Variants in GPALPP1 observed in about 807,000 individuals in gnomAD.
GPALPP1 encodes GPALPP motifs containing 1.
Under a neutral mutation model 38.9 loss-of-function variants are expected in GPALPP1, and 30 were observed. The ratio of observed to expected loss-of-function variants is 0.77; its 90% CI spans 0.58 to 1.05. GPALPP1 has a LOEUF of 1.05. Among genes scored for constraint, GPALPP1 ranks in the 50% least tolerant of loss-of-function variants. The probability of loss-of-function intolerance (pLI) is 0.00; values close to 1 mark genes in which losing one functional copy is unlikely to be tolerated. For synonymous variants in GPALPP1, 120 were observed against 139.2 expected, an observed-to-expected ratio of 0.86 and a Z score of 0.97; for missense variants, 384 against 408.8, an observed-to-expected ratio of 0.94 and a Z score of 0.52.
intron 2 of GPALPP1, chr13:45,005,086 C>CTTTTTTTTTTTTTTTTTTTTTTTTTTTT (rs71759613): frequency 3.5e-5 from 2 of 57,482 alleles, no homozygotes; most frequent in Admixed American, 3.0e-4. Context: ...TAATGGTTTT[C>CTTTTTTTTTTTTTTTTTTTTTTTTTTTT]TTTTTTTTTT....
rs766454946 is a variant in GPALPP1 at position 45,020,378 on chromosome 13, A to G, written c.754A>G (p.Ile252Val). 7.7e-6 allele frequency: 12 copies of G among 1,551,630 alleles called. No homozygotes were observed. The highest frequency in any genetic ancestry group is 8.0e-6 in the Non-Finnish European group (9 of 1,123,992). The change falls in exon 7 of 8, where the codon ATA (isoleucine) becomes GTA (valine). Residue 252 changes from isoleucine (I) to valine (V), a missense_variant. Ile to Val is a conservative substitution (Grantham distance 29). Transcript: ENST00000379151. ...KSSSKKDEEH[I>V]LSGRDKRLAE... is the part of the protein sequence containing the mutation. The stretch of plus-strand genomic sequence containing the variant: ...ATCCAGTAAGAAAGATGAAGAACAT[A>G]TATTATCAGGAAGAGATAAGAGACT...
chr13:45,015,254 G>T (rs1048608531), intron 5 of GPALPP1, among the ~76,000 whole-genome samples, 171 bp downstream of exon 5: 2 of 152,154 alleles, frequency 1.3e-5, no homozygotes, highest in African/African-American at 4.8e-5. Flanking sequence ...CAAATTGGAT[G>T]AACGTCTTTG....
intron 7 of GPALPP1, among the ~76,000 whole-genome samples, chr13:45,027,312 G>A (rs934836164): frequency 6.6e-6 from 1 of 152,056 alleles, no homozygotes; most frequent in African/African-American, 2.4e-5. Context: ...AAAAAATTGA[G>A]GGAATTAAGG....
At chr13:45,035,758 T>C (rs1876385031) in exon 8 of GPALPP1, 1 of 152,236 alleles carries the variant, frequency 6.6e-6, no homozygotes, top group Non-Finnish European at 1.5e-5. Context: ...TTCATTTAAA[T>C]GCAGATCTCC....
Position 44,996,797 on chromosome 13 carries a change from TTTTTTTTTTTTTC to T in GPALPP1, c.88+7056_88+7068del, listed in dbSNP as rs1332101430. On this transcript the variant is annotated intron_variant, in intron 1 of 7. Coordinates refer to ENST00000379151, the MANE Select transcript of GPALPP1 (RefSeq NM_018559.5). ...TGTGCCCAGCCTCTTTTTTTTTTTT[TTTTTTTTTTTTTC>T]CAGTTTTTAAAAATTGTGATAAAAT... Among the ~76,000 whole-genome samples, 410 of 147,086 alleles carry T rather than the reference TTTTTTTTTTTTTC, an allele frequency of 2.8e-3. 4 individuals carry two copies. The South Asian group carries it at 0.031, about 11-fold the overall frequency.
At chr13:45,011,946 G>A (rs1874511833) in intron 4 of GPALPP1, among the ~76,000 whole-genome samples, 1 of 152,160 alleles carries the variant, frequency 6.6e-6, no homozygotes. Context: ...AGGAGTGCTA[G>A]GGGAAGAAAT....
chr13:45,019,800 G>A (rs1360186236), intron 6 of GPALPP1, among the ~76,000 whole-genome samples: 1 of 148,732 alleles, frequency 6.7e-6, no homozygotes, highest in Non-Finnish European at 1.5e-5. Flanking sequence ...TGAGTGGAGT[G>A]GGTTTTTTTT....
chr13:45,014,110 T>C (rs1261899663), intron 4 of GPALPP1, among the ~76,000 whole-genome samples: 4 of 152,200 alleles, frequency 2.6e-5, no homozygotes, highest in Non-Finnish European at 5.9e-5. Context: ...CCATCTCTTA[T>C]TAAGATGGAA....
chr13:45,016,019 A>T (rs1046695955), intron 6 of GPALPP1, among the ~76,000 whole-genome samples: 51 of 152,168 alleles, frequency 3.4e-4, no homozygotes, highest in Non-Finnish European at 5.3e-4. Context: ...TTTAGAAAAA[A>T]AAAACAAAGC....
At chr13:45,011,294 C>G (rs1874458912) in intron 4 of GPALPP1, among the ~76,000 whole-genome samples, 1 of 152,152 alleles carries the variant, frequency 6.6e-6, no homozygotes, top group Admixed American at 6.5e-5. Context: ...CAGTAACATG[C>G]AGGTCATTAC....
At chr13:44,994,271 G>A (rs1373269587) in intron 1 of GPALPP1, among the ~76,000 whole-genome samples, 1 of 148,978 alleles carries the variant, frequency 6.7e-6, no homozygotes, top group Non-Finnish European at 1.5e-5. Flanking sequence ...TGAATTTAGA[G>A]TCTAATTTCT....
chr13:45,020,541 G>A, intron 7 of GPALPP1, 113 bp downstream of exon 7: 1 of 627,462 alleles, frequency 1.6e-6, no homozygotes, highest in Admixed American at 3.0e-5. Context: ...TTCAAGGCCA[G>A]CTTGGGCAAC....
chr13:44,995,723 C>T (rs1593382116), intron 1 of GPALPP1, among the ~76,000 whole-genome samples: 2 of 152,288 alleles, frequency 1.3e-5, no homozygotes, highest in South Asian at 4.1e-4. Context: ...GCACCTTAAA[C>T]TTGAACATGC....
intron 1 of GPALPP1, among the ~76,000 whole-genome samples, chr13:44,994,960 TCTC>T (rs761327329): frequency 9.9e-5 from 15 of 152,032 alleles, no homozygotes; most frequent in Admixed American, 2.6e-4. Context: ...TTCAAGCTAT[TCTC>T]CTGCCTCAGC....
intron 4 of GPALPP1, among the ~76,000 whole-genome samples, chr13:45,009,506 A>T (rs1874329659): frequency 6.6e-6 from 1 of 152,192 alleles, no homozygotes; most frequent in Admixed American, 6.5e-5. Flanking sequence ...AATGCTAAAG[A>T]CCAAAAAAAT....
chr13:44,998,143 T>G (rs1479382479), intron 1 of GPALPP1, among the ~76,000 whole-genome samples: 1 of 152,246 alleles, frequency 6.6e-6, no homozygotes, highest in African/African-American at 2.4e-5. Flanking sequence ...TTACTGTATC[T>G]AAAAACTATC....
intron 6 of GPALPP1, among the ~76,000 whole-genome samples, 167 bp downstream of exon 6, chr13:45,015,763 A>T (rs1400707114): frequency 6.6e-6 from 1 of 152,202 alleles, no homozygotes; most frequent in Non-Finnish European, 1.5e-5. Flanking sequence ...AAGTGACACC[A>T]ATTGCTTGCT....
intron 1 of GPALPP1, among the ~76,000 whole-genome samples, chr13:44,997,174 C>T (rs1188394278): frequency 6.6e-6 from 1 of 151,302 alleles, no homozygotes; most frequent in Admixed American, 6.6e-5. Context: ...GTCAGGATTA[C>T]CTTCAAGTGA....
chr13:45,031,243 C>A (rs781628756), downstream of GPALPP1: 2 of 152,036 alleles, frequency 1.3e-5, no homozygotes, highest in African/African-American at 2.4e-5. Flanking sequence ...ACAGAGCTAC[C>A]TTTTGACTAA....
Sources: allele counts gnomAD v4.1 joint callset (sites outside exome capture counted in the v4.1 genomes callset), GRCh38; gene constraint gnomAD v4.1.1; transcripts MANE v1.5; gene names NCBI Gene and HGNC (gene_info 2026-07-23, HGNC 2026-07-21).